LSM14A: variants seen among roughly 807,000 people sequenced by gnomAD.
LSM14A encodes the protein LSM14A mRNA processing body assembly factor, also known as protein LSM14 homolog A.
A neutral mutation model predicts 52.4 loss-of-function variants in LSM14A; 14 were observed. That is an observed-to-expected ratio of 0.27 (90% CI 0.18 to 0.42). The LOEUF (loss-of-function observed/expected upper bound fraction) is 0.42. LSM14A is among the 10% of genes least tolerant of loss of function. The pLI is 1.00. For synonymous variants in LSM14A, 185 were observed against 200.3 expected, an observed-to-expected ratio of 0.92 and a Z score of 0.64; for missense variants, 417 against 581.8, an observed-to-expected ratio of 0.72 and a Z score of 2.91.
At chr19:34,212,617 A>T (rs1305287964) in intron 4 of LSM14A, among the ~76,000 whole-genome samples, 1 of 152,252 alleles carries the variant, frequency 6.6e-6, no homozygotes, top group Non-Finnish European at 1.5e-5. Flanking sequence ...CAAAATTAAA[A>T]TTCCTAGAAT....
chr19:34,178,195 CTG>C (rs1203034368), intron 1 of LSM14A, among the ~76,000 whole-genome samples: 1 of 125,532 alleles, frequency 8.0e-6, no homozygotes, highest in African/African-American at 3.0e-5. Flanking sequence ...TAATAATAAT[CTG>C]TTTTCTCTTT....
At chr19:34,190,519 C>T (rs1365651464) in intron 1 of LSM14A, among the ~76,000 whole-genome samples, 4 of 150,932 alleles carry the variant, frequency 2.7e-5, no homozygotes, top group Admixed American at 1.3e-4. Flanking sequence ...TTAAAGCCTT[C>T]GCTTATTATC....
intron 1 of LSM14A, among the ~76,000 whole-genome samples, chr19:34,185,602 A>AC (rs2069839507): frequency 6.6e-6 from 1 of 152,128 alleles, no homozygotes; most frequent in Admixed American, 6.5e-5. Context: ...CTACCATGCT[A>AC]CCTTCAGGGC....
At chr19:34,227,310 G>T in intron 9 of LSM14A, 55 bp from the exon 10 acceptor site, 1 of 1,239,984 alleles carries the variant, frequency 8.1e-7, no homozygotes, top group South Asian at 1.3e-5. Flanking sequence ...AAAGTAAAAA[G>T]AAAATAATAC....
intron 4 of LSM14A, among the ~76,000 whole-genome samples, chr19:34,211,381 T>A (rs538845534): frequency 1.3e-5 from 2 of 151,506 alleles, no homozygotes; most frequent in East Asian, 3.9e-4. Flanking sequence ...TAATGCAAAA[T>A]AGAAATTGTA....
Position 34,227,600 on chromosome 19 carries a change from A to C in LSM14A, c.*212A>C. On this transcript the variant is annotated 3_prime_UTR_variant, in exon 10 of 10. Transcript: ENST00000544216. ...AGGCTCATCTTAAAACATGAGCATT[A>C]AATATATTTGGAATAGCAGAAGGTT... 1 of 473,182 alleles carries C rather than the reference A, an allele frequency of 2.1e-6. No individual in the cohort carries two copies. Among genetic ancestry groups the C allele is most frequent in the South Asian group, 4.6e-5 (1 of 21,668 alleles). 29.3% of individuals were successfully genotyped at this position (473,182 alleles called of 1,614,324 possible).
intron 4 of LSM14A, among the ~76,000 whole-genome samples, chr19:34,214,292 CTTTA>C (rs61278191): frequency 0.069 from 10,302 of 148,388 alleles, 855 homozygotes; most frequent in African/African-American, 0.2. Context: ...AGTTCTTTTA[CTTTA>C]TTTATTTATT....
At position 34,227,675 on chromosome 19, in the gene LSM14A, TAAC is replaced by T. The variant is rs375968934; in HGVS notation, c.*290_*292del. 37 of 340,712 alleles carry T rather than the reference TAAC, an allele frequency of 1.1e-4. No individual in the cohort carries two copies. The highest frequency in any genetic ancestry group is 7.8e-4 in the Middle Eastern group (1 of 1,288). 21.1% of individuals were successfully genotyped at this position (340,712 alleles called of 1,614,324 possible). ...ACTAAAGCAGTACTTCAGTGGGACT[TAAC>T]AAGTATTTTTTCATCACTGAAAGGT... is the stretch of plus-strand genomic sequence containing the variant. On this transcript the variant is annotated 3_prime_UTR_variant, in exon 10 of 10. Transcript: ENST00000544216.
intron 1 of LSM14A, among the ~76,000 whole-genome samples, chr19:34,186,327 T>C (rs1367944959): frequency 6.6e-6 from 1 of 152,246 alleles, no homozygotes; most frequent in Non-Finnish European, 1.5e-5. Context: ...TGATCAAATA[T>C]TTTCGATGTT....
rs566440081 is a variant in LSM14A at position 34,228,537 on chromosome 19, T to G, written c.*1149T>G. 10 of 151,592 alleles carry G rather than the reference T, an allele frequency of 6.6e-5. No individual in the cohort carries two copies. The highest frequency in any genetic ancestry group is 2.4e-4 in the African/African-American group (10 of 41,030). The allele number at this position is 151,592 out of a possible 1,614,324, so 9.4% of individuals were successfully genotyped here. A position where few individuals can be genotyped will look rare whatever the true frequency, so the allele number is the denominator to read the frequency against. On this transcript the variant is annotated 3_prime_UTR_variant, in exon 10 of 10. Coordinates refer to ENST00000544216, the MANE Select transcript of LSM14A (RefSeq NM_015578.4). The stretch of plus-strand genomic sequence containing the variant: ...AGTGCTAGAAATTATTTTGGTAGCC[T>G]GTAACACACGGCAACACTGGTCCTT...
Position 34,190,878 on chromosome 19 carries a change from TTTTG to T in LSM14A, c.122-3588_122-3585del, listed in dbSNP as rs1002170996. Among the ~76,000 whole-genome samples, 24 of 152,244 alleles carry T rather than the reference TTTTG, an allele frequency of 1.6e-4. 1 individual carries two copies. The highest frequency in any genetic ancestry group is 5.1e-4 in the African/African-American group (21 of 41,570). ...TCTCTGTGGCTTGTAGTGGTCTGTT[TTTTG>T]TTTGTTTGTTTTGTTTTTTTCTGGA... On this transcript the variant is annotated intron_variant, in intron 1 of 9. Coordinates refer to ENST00000544216, the MANE Select transcript of LSM14A (RefSeq NM_015578.4).
At chr19:34,184,100 G>C (rs1158960074) in intron 1 of LSM14A, among the ~76,000 whole-genome samples, 1 of 142,116 alleles carries the variant, frequency 7.0e-6, no homozygotes, top group Non-Finnish European at 1.5e-5. Context: ...TTGTCACCCA[G>C]GCTGGAGTGC....
chr19:34,218,282 G>A (rs1425587084), intron 6 of LSM14A, among the ~76,000 whole-genome samples: 4 of 152,156 alleles, frequency 2.6e-5, no homozygotes, highest in Non-Finnish European at 5.9e-5. Context: ...GGGGTTACAG[G>A]CGTGAGCCAC....
chr19:34,194,673 G>A (rs1426148127), intron 2 of LSM14A, 32 bp downstream of exon 2: 1 of 1,605,150 alleles, frequency 6.2e-7, no homozygotes, highest in Admixed American at 1.7e-5. Flanking sequence ...TTGGAGTACA[G>A]GTAAACTCCG....
chr19:34,223,265 A>G (rs887251141), intron 9 of LSM14A, among the ~76,000 whole-genome samples: 1 of 151,820 alleles, frequency 6.6e-6, no homozygotes, highest in Non-Finnish European at 1.5e-5. Flanking sequence ...TTTTTTTTGT[A>G]GACACTGGGT....
intron 3 of LSM14A, among the ~76,000 whole-genome samples, chr19:34,206,545 C>T (rs147544202): frequency 0.025 from 3,734 of 151,778 alleles, 154 homozygotes; most frequent in African/African-American, 0.087. Context: ...CATGGTGGCG[C>T]GCGCCTGTAG....
chr19:34,209,372 G>C (rs1017264547), intron 4 of LSM14A, among the ~76,000 whole-genome samples: 4 of 152,098 alleles, frequency 2.6e-5, no homozygotes, highest in Non-Finnish European at 5.9e-5. Flanking sequence ...TTAAAGTTGA[G>C]CTATCCAAGA....
intron 1 of LSM14A, among the ~76,000 whole-genome samples, chr19:34,192,316 G>GTTTTTTTT (rs1306000214): frequency 0.023 from 1,490 of 65,308 alleles, 34 homozygotes; most frequent in Non-Finnish European, 0.035. Context: ...CATTCTTTTT[G>GTTTTTTTT]TTGTTTTTTT....
chr19:34,196,109 G>C (rs1376444171), intron 2 of LSM14A, among the ~76,000 whole-genome samples: 1 of 152,048 alleles, frequency 6.6e-6, no homozygotes, highest in Admixed American at 6.6e-5. Context: ...ATATGCTTTA[G>C]GTTTAAGTTA....
Sources: gnomAD v4.1 joint callset for allele counts (sites outside exome capture counted in the v4.1 genomes callset) on GRCh38, gnomAD v4.1.1 for gene constraint, MANE v1.5 for transcripts, NCBI Gene and HGNC (gene_info 2026-07-23, HGNC 2026-07-21) for gene names.